The following FBXO47 variants were observed in gnomAD, a reference collection of about 807,000 sequenced individuals.
FBXO47 encodes F-box protein 47.
FBXO47 carries 34 observed loss-of-function variants against 53.9 expected under a neutral mutation model. That is an observed-to-expected ratio of 0.63 (90% CI 0.48 to 0.84). The LOEUF is 0.84. Among genes scored for constraint, FBXO47 ranks in the 40% least tolerant of loss-of-function variants. The pLI, the probability that FBXO47 is intolerant of heterozygous loss-of-function variation, is 0.00. For synonymous variants in FBXO47, 165 were observed against 181.6 expected (o/e 0.91, Z 0.73); for missense variants, 485 against 541.3 (o/e 0.90, Z 1.03).
intron 7 of FBXO47, 73 bp from the exon 8 acceptor site, chr17:38,943,809 T>C: frequency 6.1e-6 from 8 of 1,317,356 alleles, no homozygotes; most frequent in Non-Finnish European, 8.4e-6. Context: ...AAAAGGAAAG[T>C]GAATTGCACA....
At chr17:38,965,265 C>T (rs1278467476) in intron 1 of FBXO47, among the ~76,000 whole-genome samples, 1 of 152,130 alleles carries the variant, frequency 6.6e-6, no homozygotes, top group Non-Finnish European at 1.5e-5. Flanking sequence ...CGCATAATTA[C>T]AACTCCAATC....
chr17:38,943,759 C>T (rs1904614852), intron 7 of FBXO47, 23 bp from the exon 8 acceptor site: 1 of 1,587,220 alleles, frequency 6.3e-7, no homozygotes, highest in Non-Finnish European at 8.5e-7. Context: ...AAAAACGAGG[C>T]TATGACAGAA....
rs763771483 is a variant in FBXO47, at chr17:38,945,093, C to A, written c.660G>T (p.Arg220Ser). Residue 220 changes from arginine (R) to serine (S), a missense_variant, in exon 7 of 11, where the codon AGG becomes AGT. Transcript: ENST00000378079. ...GTGTCCAATGATCAAGGAGGACATT[C>A]CTACAGAAGAGTCTGATTCTTAACT... ...KLELRIRLFCRNVLLDHWTHR... is the reference protein window; with the variant it reads ...KLELRIRLFCSNVLLDHWTHR... 6.2e-7 allele frequency: 1 copy of A among 1,613,704 alleles called. No homozygotes were observed. Among genetic ancestry groups the A allele is most frequent in the Non-Finnish European group, 8.5e-7 (1 of 1,179,724 alleles).
intron 6 of FBXO47, among the ~76,000 whole-genome samples, chr17:38,946,304 A>G (rs1346390278): frequency 1.9e-5 from 1 of 52,412 alleles, no homozygotes; most frequent in African/African-American, 6.2e-5. Flanking sequence ...AAAAATATAT[A>G]TAAATATATA....
rs548043560 is a variant in FBXO47, at chr17:38,939,518, G to A, written c.1084-786C>T. On this transcript the variant is annotated intron_variant, in intron 9 of 10. Transcript: ENST00000378079. ...ATAGACAAATGGGCAATTTCAATAA[G>A]CAAGAGAATTCTATGGTATTGTCGA... Among the ~76,000 whole-genome samples the A allele has an allele frequency of 2.0e-5, 3 of 149,586 alleles. No homozygotes were observed. In the South Asian group the frequency reaches 6.3e-4, roughly 31 times the overall value.
chr17:38,954,805 G>T, intron 5 of FBXO47, 51 bp downstream of exon 5: 1 of 1,027,182 alleles, frequency 9.7e-7, no homozygotes, highest in Non-Finnish European at 1.5e-6. Flanking sequence ...TATTCTATTT[G>T]TTATCAGTTC....
At chr17:38,947,792 C>T (rs1322902003) in intron 6 of FBXO47, among the ~76,000 whole-genome samples, 1 of 152,044 alleles carries the variant, frequency 6.6e-6, no homozygotes, top group Admixed American at 6.6e-5. Flanking sequence ...CACCTGTAGT[C>T]CCAGCTACTT....
At chr17:38,952,055 G>A (rs1235983495) in intron 5 of FBXO47, among the ~76,000 whole-genome samples, 4 of 151,828 alleles carry the variant, frequency 2.6e-5, no homozygotes, top group Admixed American at 1.3e-4. Flanking sequence ...GGCCGGGTGC[G>A]GTGGCTCACA....
chr17:38,944,632 T>C (rs557451501), intron 7 of FBXO47, among the ~76,000 whole-genome samples: 43 of 148,728 alleles, frequency 2.9e-4, no homozygotes, highest in African/African-American at 9.4e-4. Context: ...AACCCGGGAA[T>C]TGGAGCTCGC....
Position 38,939,748 on chromosome 17 carries a change from A to G in FBXO47, c.1084-1016T>C, listed in dbSNP as rs1461039518. Among the ~76,000 whole-genome samples the G allele has an allele frequency of 2.1e-5, 3 of 144,824 alleles. No individual in the cohort carries two copies. In the East Asian group the frequency reaches 6.1e-4, roughly 29 times the overall value. On this transcript the variant is annotated intron_variant, in intron 9 of 10. Transcript: ENST00000378079. ...AGTGGCGCAATCTCGGCTCACTGCA[A>G]GCTCCGCTTCCCGGGTTCACGCCAT...
Position 38,961,901 on chromosome 17 carries a change from T to C in FBXO47, c.328A>G (p.Ile110Val). 1 of 1,613,996 alleles carries C rather than the reference T, an allele frequency of 6.2e-7. No individual in the cohort carries two copies. Among genetic ancestry groups the C allele is most frequent in the Non-Finnish European group, 8.5e-7 (1 of 1,179,960 alleles). Residue 110 changes from isoleucine (I) to valine (V), a missense_variant, in exon 3 of 11, where the codon ATA becomes GTA. Physicochemically the swap from Ile to Val is conservative, Grantham distance 29. Transcript: ENST00000378079. ...CCTAGAGATCTGTAGTGCTCCAGTA[T>C]AGCAGAGTCTTGTCTCCTGTCAGGC... The part of the protein sequence containing the change: ...ELPDRRQDSA[I>V]LEHYRSLGLL...
rs910177012 is a variant in FBXO47, at chr17:38,961,753, A to T, written c.352+124T>A. On this transcript the variant is annotated intron_variant, in intron 3 of 10. Transcript: ENST00000378079. ...TGTTCTCACACTAAAGAGTAAAAACATCATAGAAACAGGCATATTTTGGAA... is the reference window on the plus strand; with the variant it reads ...TGTTCTCACACTAAAGAGTAAAAACTTCATAGAAACAGGCATATTTTGGAA... 22 of 805,184 alleles carry T rather than the reference A, an allele frequency of 2.7e-5. 1 individual carries two copies. The highest frequency in any genetic ancestry group is 5.2e-5 in the East Asian group (2 of 38,132). 49.9% of individuals were successfully genotyped at this position (805,184 alleles called of 1,614,324 possible). A position where few individuals can be genotyped will look rare whatever the true frequency, so the allele number is the denominator to read the frequency against.
chr17:38,964,684 C>A (rs573213519), intron 1 of FBXO47, among the ~76,000 whole-genome samples: 1 of 151,486 alleles, frequency 6.6e-6, no homozygotes, highest in East Asian at 1.9e-4. Flanking sequence ...AACAAACAAA[C>A]AAAAAATAAC....
Position 38,938,656 on chromosome 17 carries a change from G to A in FBXO47, c.1160C>T (p.Pro387Leu). The change falls in exon 10 of 11, where the codon CCA becomes CTA. Residue 387 changes from proline to leucine, a missense_variant. By Grantham distance (98) the Pro-to-Leu change is moderately conservative. Coordinates refer to ENST00000378079, the MANE Select transcript of FBXO47 (RefSeq NM_001008777.3). ...CTGCAGGAAGTTCTTTCTTTCCACT[G>A]GAGTGCTAAAGACTTTGCAGACTTT... ...MQKVCKVFST[P>L]VERKNFLQNV... The A allele has an allele frequency of 6.2e-7, 1 of 1,613,474 alleles. No individual in the cohort carries two copies. The highest frequency in any genetic ancestry group is 8.5e-7 in the Non-Finnish European group (1 of 1,179,570).
chr17:38,946,905 AAT>A lies in FBXO47; in HGVS notation c.617-1771_617-1770del, dbSNP rs1248070953. Among the ~76,000 whole-genome samples, 1,040 of 119,438 alleles carry A rather than the reference AAT, an allele frequency of 8.7e-3. 26 individuals carry two copies. The highest frequency in any genetic ancestry group is 0.034 in the African/African-American group (974 of 28,558). The allele number at this position is 119,438 out of a possible 152,430, so 78.4% of individuals were successfully genotyped here. A position where few individuals can be genotyped will look rare whatever the true frequency, so the allele number is the denominator to read the frequency against. On this transcript the variant is annotated intron_variant, in intron 6 of 10. Coordinates refer to ENST00000378079, the MANE Select transcript of FBXO47 (RefSeq NM_001008777.3). ...ATAAATATATATATAAACATATATA[AAT>A]ATATATAAACATATATAAACATATA...
At chr17:38,966,695 T>G (rs2143983791) in intron 1 of FBXO47, among the ~76,000 whole-genome samples, 1 of 152,264 alleles carries the variant, frequency 6.6e-6, no homozygotes, top group Non-Finnish European at 1.5e-5. Context: ...AAACAAAAAT[T>G]TAAAAATGAT....
intron 7 of FBXO47, among the ~76,000 whole-genome samples, chr17:38,944,293 AG>A (rs1355118547): frequency 3.3e-5 from 5 of 151,052 alleles, no homozygotes; most frequent in South Asian, 2.1e-4. Flanking sequence ...GGGGAGGCCA[AG>A]GTGGGAGGAT....
chr17:38,963,054 G>C lies in FBXO47; in HGVS notation c.-26-3C>G. 1 of 1,549,964 alleles carries C rather than the reference G, an allele frequency of 6.5e-7. No homozygotes were observed. Among genetic ancestry groups the C allele is most frequent in the Non-Finnish European group, 8.8e-7 (1 of 1,131,786 alleles). ...TCTTCTTGTCTCACAAATTTATCCT[G>C]GTCAGAAAAACAAAGTACAAGAGAC... On this transcript the variant is annotated splice_polypyrimidine_tract_variant and splice_region_variant and intron_variant, in intron 1 of 10. Coordinates refer to ENST00000378079, the MANE Select transcript of FBXO47 (RefSeq NM_001008777.3).
intron 6 of FBXO47, among the ~76,000 whole-genome samples, chr17:38,948,314 G>A (rs956488906): frequency 1.3e-5 from 2 of 148,868 alleles, no homozygotes; most frequent in East Asian, 2.0e-4. Context: ...CCGAGTTCAA[G>A]CGATGCTCCT....
Sources: gnomAD v4.1 joint callset for allele counts (sites outside exome capture counted in the v4.1 genomes callset) on GRCh38, gnomAD v4.1.1 for gene constraint, MANE v1.5 for transcripts, NCBI Gene and HGNC (gene_info 2026-07-23, HGNC 2026-07-21) for gene names.